Variants in SFMBT2 observed in about 807,000 individuals in gnomAD.
The protein encoded by SFMBT2 is scm-like with four MBT domains protein 2.
In SFMBT2, 38 loss-of-function variants were observed where a neutral mutation model predicts 110.1. The observed-to-expected ratio is 0.35, with a 90% CI of 0.27 to 0.45. The LOEUF is 0.45. Ranked by LOEUF, SFMBT2 falls within the 20% of genes least tolerant of loss-of-function variation. The probability of loss-of-function intolerance (pLI) is 1.00; values close to 1 mark genes in which losing one functional copy is unlikely to be tolerated. For synonymous variants in SFMBT2, 425 were observed against 425.4 expected, an observed-to-expected ratio of 1.00 and a Z score of 0.01; for missense variants, 1,011 against 1,094.9, an observed-to-expected ratio of 0.92 and a Z score of 1.08.
chr10:7,288,258 A>G (rs1409065060), intron 4 of SFMBT2, among the ~76,000 whole-genome samples: 1 of 152,170 alleles, frequency 6.6e-6, no homozygotes, highest in Non-Finnish European at 1.5e-5. Flanking sequence ...GAGCAAAACC[A>G]ACATGCACGG....
chr10:7,215,815 G>A (rs920184160), intron 11 of SFMBT2: 14 of 797,978 alleles, frequency 1.8e-5, no homozygotes, highest in South Asian at 5.7e-5. Flanking sequence ...ATGGCTCCCC[G>A]TGCATCGAAC....
At position 7,221,038 on chromosome 10, in the gene SFMBT2, G is replaced by A. The variant is rs190504096; in HGVS notation, c.1204-501C>T. Reference sequence around the variant, plus strand: ...AGACAGGGTTTCACCATGTTAGCCAGGATGGTCTCGATCTCCTGGCCTTGT... The same window carrying A: ...AGACAGGGTTTCACCATGTTAGCCAAGATGGTCTCGATCTCCTGGCCTTGT... On this transcript the variant is annotated intron_variant, in intron 10 of 20. Coordinates refer to ENST00000397167, the MANE Select transcript of SFMBT2 (RefSeq NM_001387889.1). Among the ~76,000 whole-genome samples, 179 of 151,646 alleles carry A rather than the reference G, an allele frequency of 1.2e-3. 1 individual carries two copies. Among genetic ancestry groups the A allele is most frequent in the African/African-American group, 4.2e-3 (175 of 41,406 alleles).
At chr10:7,167,684 G>A (rs1837732815) in intron 20 of SFMBT2, among the ~76,000 whole-genome samples, 1 of 152,178 alleles carries the variant, frequency 6.6e-6, no homozygotes, top group Non-Finnish European at 1.5e-5. Flanking sequence ...AAGGTCTGAT[G>A]GGACAGAAAA....
intron 11 of SFMBT2, among the ~76,000 whole-genome samples, chr10:7,217,066 G>A (rs1263303394): frequency 6.6e-6 from 1 of 152,222 alleles, no homozygotes; most frequent in Non-Finnish European, 1.5e-5. Flanking sequence ...AATAAATCTT[G>A]TAAAAGGCCA....
chr10:7,246,432 T>C (rs1442858992), intron 8 of SFMBT2, among the ~76,000 whole-genome samples: 2 of 148,144 alleles, frequency 1.4e-5, no homozygotes, highest in African/African-American at 4.9e-5. Context: ...CATAAGAATG[T>C]GAGAGAGGCC....
intron 9 of SFMBT2, among the ~76,000 whole-genome samples, chr10:7,237,094 G>A (rs1003993236): frequency 1.3e-5 from 2 of 152,154 alleles, no homozygotes; most frequent in African/African-American, 2.4e-5. Flanking sequence ...ACACAAAATG[G>A]GAATGCTCAA....
In SFMBT2 at chr10:7,171,143, T is replaced by C. The variant is rs1252498898; in HGVS notation, c.2416-87A>G. The C allele has an allele frequency of 7.5e-6, 12 of 1,591,720 alleles. No individual in the cohort carries two copies. The highest frequency in any genetic ancestry group is 1.0e-5 in the Non-Finnish European group (12 of 1,168,820). ...GCACTCTCCAGGCCTCGGCCGTTCCTGGCCGGAAGCCACTGCCTCCCTTTG... is the reference window on the plus strand; with the variant it reads ...GCACTCTCCAGGCCTCGGCCGTTCCCGGCCGGAAGCCACTGCCTCCCTTTG... On this transcript the variant is annotated intron_variant, in intron 19 of 20. Coordinates refer to ENST00000397167, the MANE Select transcript of SFMBT2 (RefSeq NM_001387889.1). This position sits in a 1 kb window ranked among gnomAD's most constrained non-coding sequence, Gnocchi z 4.9.
Position 7,159,583 on chromosome 10 carries a change from A to C in SFMBT2, c.*4187T>G, listed in dbSNP as rs1837496021. On this transcript the variant is annotated 3_prime_UTR_variant, in exon 21 of 21. Coordinates refer to ENST00000397167, the MANE Select transcript of SFMBT2 (RefSeq NM_001387889.1). ...TGGGCAGTATGGATATCTTGCCAAC[A>C]ATTTCTTCCTTAACAACTACAGGTT... 6.6e-6 allele frequency: 1 copy of C among 152,164 alleles called. No individual in the cohort carries two copies. The highest frequency in any genetic ancestry group is 2.1e-4 in the South Asian group (1 of 4,820). The allele number at this position is 152,164 out of a possible 1,614,324, so 9.4% of individuals were successfully genotyped here.
chr10:7,407,289 T>C (rs1218993112), intron 1 of SFMBT2, among the ~76,000 whole-genome samples: 1 of 130,092 alleles, frequency 7.7e-6, no homozygotes, highest in African/African-American at 3.0e-5. Flanking sequence ...CATTTAAGCC[T>C]GTTTTCTCCT....
chr10:7,401,057 C>T (rs114318111), intron 1 of SFMBT2, among the ~76,000 whole-genome samples: 5,680 of 151,996 alleles, frequency 0.037, 147 homozygotes, highest in African/African-American at 0.074. Flanking sequence ...TGCTTGAGCC[C>T]GGGAAATGGA....
intron 4 of SFMBT2, among the ~76,000 whole-genome samples, chr10:7,305,231 T>C (rs1000136377): frequency 3.9e-5 from 6 of 152,348 alleles, no homozygotes; most frequent in African/African-American, 1.2e-4. Flanking sequence ...TCGTCTTCTT[T>C]CCACGTGCAA....
At chr10:7,210,804 G>A (rs1839322808) in intron 11 of SFMBT2, among the ~76,000 whole-genome samples, 1 of 152,172 alleles carries the variant, frequency 6.6e-6, no homozygotes, top group South Asian at 2.1e-4. Flanking sequence ...CCGAAGGCCT[G>A]GGAAAACAAA....
At chr10:7,238,862 C>A (rs914084545) in intron 9 of SFMBT2, among the ~76,000 whole-genome samples, 7 of 152,296 alleles carry the variant, frequency 4.6e-5, no homozygotes, top group African/African-American at 1.7e-4. Context: ...AACCTATACA[C>A]ATTTTTGCTT....
intron 4 of SFMBT2, among the ~76,000 whole-genome samples, chr10:7,319,007 G>A (rs188539875): frequency 2.9e-3 from 435 of 152,336 alleles, no homozygotes; most frequent in Middle Eastern, 6.8e-3. Flanking sequence ...AGGGAAGGAA[G>A]CCAAGCCCAC....
At chr10:7,248,138 G>T (rs770461888) in intron 8 of SFMBT2, among the ~76,000 whole-genome samples, 2 of 148,432 alleles carry the variant, frequency 1.3e-5, no homozygotes, top group African/African-American at 2.5e-5. Flanking sequence ...AAGGGCAGAT[G>T]AGAAAAAACA....
chr10:7,407,398 T>C (rs1193345579), intron 1 of SFMBT2, among the ~76,000 whole-genome samples: 6 of 151,700 alleles, frequency 4.0e-5, no homozygotes, highest in Non-Finnish European at 8.8e-5. Context: ...GGAGGGGGGA[T>C]GGAGAGTGGT....
At chr10:7,319,652 C>CAG (rs35461195) in intron 4 of SFMBT2, among the ~76,000 whole-genome samples, 1,999 of 139,920 alleles carry the variant, frequency 0.014, 13 homozygotes, top group Non-Finnish European at 0.023. Context: ...AAGAGAGAGA[C>CAG]AGAGAGAGAG....
At chr10:7,411,422 CTGGCTGCGG>C (rs1171459977), upstream of SFMBT2, 1 of 152,286 alleles carries the variant, frequency 6.6e-6, no homozygotes, top group African/African-American at 2.4e-5. Context: ...TCCCGTTTCC[CTGGCTGCGG>C]TTCGTGAGCT....
At chr10:7,200,736 A>G (rs986910783) in intron 13 of SFMBT2, among the ~76,000 whole-genome samples, 10 of 152,256 alleles carry the variant, frequency 6.6e-5, no homozygotes, top group African/African-American at 2.2e-4. Flanking sequence ...GGTCCTGATC[A>G]GTGAGTTTCT....
Sources: allele counts gnomAD v4.1 joint callset (sites outside exome capture counted in the v4.1 genomes callset), GRCh38; gene constraint gnomAD v4.1.1; non-coding constraint Gnocchi (gnomAD v3.1); transcripts MANE v1.5; gene names NCBI Gene and HGNC (gene_info 2026-07-23, HGNC 2026-07-21).